NTM: variants seen among roughly 807,000 people sequenced by gnomAD.
NTM encodes IgLON family member 2.
In NTM, 13 loss-of-function variants were observed where a neutral mutation model predicts 42.1. The observed-to-expected ratio is 0.31, with a 90% confidence interval of 0.20 to 0.49. The LOEUF (loss-of-function observed/expected upper bound fraction) is 0.49, where lower values mean the gene tolerates loss of function less well. Among genes scored for constraint, NTM ranks in the 20% least tolerant of loss-of-function variants. The pLI is 0.99. For synonymous variants in NTM, 187 were observed against 179.2 expected (o/e 1.04, Z -0.35); for missense variants, 373 against 452.8 (o/e 0.82, Z 1.60).
chr11:132,145,120 T>C (rs2070094005), intron 2 of NTM, among the ~76,000 whole-genome samples: 1 of 152,184 alleles, frequency 6.6e-6, no homozygotes, highest in African/African-American at 2.4e-5. Context: ...GAGTCTCACA[T>C]AGTACCAGGA....
intron 1 of NTM, among the ~76,000 whole-genome samples, chr11:131,614,782 A>C (rs1299829320): frequency 6.6e-6 from 1 of 152,244 alleles, no homozygotes; most frequent in African/African-American, 2.4e-5. Flanking sequence ...CATATTGTCC[A>C]TCAAGACTAT....
intron 1 of NTM, among the ~76,000 whole-genome samples, chr11:131,494,608 C>T (rs186026530): frequency 5.9e-5 from 9 of 152,328 alleles, no homozygotes; most frequent in Non-Finnish European, 1.2e-4. Flanking sequence ...CACTCCATTG[C>T]ATGTGCAAAG....
chr11:131,405,471 T>C (rs1164698044), intron 1 of NTM, among the ~76,000 whole-genome samples: 1 of 152,174 alleles, frequency 6.6e-6, no homozygotes, highest in Non-Finnish European at 1.5e-5. Flanking sequence ...TCCCTTTCCT[T>C]CACCCTTAAC....
At chr11:132,274,909 G>T (rs1229964083) in intron 4 of NTM, among the ~76,000 whole-genome samples, 2 of 152,002 alleles carry the variant, frequency 1.3e-5, no homozygotes, top group African/African-American at 4.8e-5. Flanking sequence ...GGGCCACTTG[G>T]ATAGTTCTTT....
intron 4 of NTM, among the ~76,000 whole-genome samples, chr11:132,299,395 T>C (rs895917): frequency 0.25 from 37,492 of 152,080 alleles, 4,825 homozygotes; most frequent in Middle Eastern, 0.31. Context: ...GAAGGGAACA[T>C]GGTGCAAAAG....
intron 7 of NTM, among the ~76,000 whole-genome samples, chr11:132,315,617 A>G (rs556694955): frequency 1.3e-5 from 2 of 152,296 alleles, no homozygotes; most frequent in African/African-American, 2.4e-5. Flanking sequence ...TTGCAAGAAC[A>G]CAAATTCCTT....
chr11:131,397,541 C>T lies in NTM; in HGVS notation c.82+26653C>T, dbSNP rs984711609. 7.2e-5 allele frequency among the ~76,000 whole-genome samples: 11 copies of T among 152,172 alleles called. No individual in the cohort carries two copies. In the South Asian group the frequency reaches 1.0e-3, roughly 14 times the overall value. On this transcript the variant is annotated intron_variant, in intron 1 of 8. Transcript: ENST00000683400. Reference sequence around the variant, plus strand: ...TATTTCATCTTGCTTTGCCCACTCCCATAGCTTTCTTTGGGCGGGCATGAG... The same window carrying T: ...TATTTCATCTTGCTTTGCCCACTCCTATAGCTTTCTTTGGGCGGGCATGAG...
intron 1 of NTM, among the ~76,000 whole-genome samples, chr11:131,395,458 T>A (rs945408553): frequency 2.0e-5 from 3 of 152,164 alleles, no homozygotes; most frequent in Non-Finnish European, 2.9e-5. Context: ...ATGTGCAAAC[T>A]TTTTTCTCTC....
At chr11:132,189,678 G>A (rs183319451) in intron 3 of NTM, among the ~76,000 whole-genome samples, 18 of 149,626 alleles carry the variant, frequency 1.2e-4, no homozygotes, top group African/African-American at 3.8e-4. Flanking sequence ...AGACACACAC[G>A]ATACTTGAGT....
intron 1 of NTM, among the ~76,000 whole-genome samples, chr11:131,640,655 C>G (rs1395339318): frequency 6.6e-6 from 1 of 152,168 alleles, no homozygotes; most frequent in Non-Finnish European, 1.5e-5. Flanking sequence ...AGTGCTGTGC[C>G]TGCTAAGCCA....
intron 1 of NTM, among the ~76,000 whole-genome samples, chr11:131,905,740 C>A (rs1282853910): frequency 2.0e-5 from 3 of 152,122 alleles, no homozygotes; most frequent in African/African-American, 7.2e-5. Context: ...GGGAGGCCCA[C>A]GTTACTTTTG....
chr11:132,022,794 G>A (rs1336263696), intron 2 of NTM, among the ~76,000 whole-genome samples: 1 of 152,184 alleles, frequency 6.6e-6, no homozygotes, highest in African/African-American at 2.4e-5. Flanking sequence ...AATGTGCACT[G>A]TGGTCCTTTA....
rs2081301965 is a variant in NTM at position 131,742,361 on chromosome 11, C to T, written c.83-169203C>T. ...TACAAGTCACATGTTTATTTCATTG[C>T]TCGTGTTGGAATTTATTCATTTTAT... is the stretch of plus-strand genomic sequence containing the variant. On this transcript the variant is annotated intron_variant, in intron 1 of 8. Coordinates refer to ENST00000683400, the MANE Select transcript of NTM (RefSeq NM_001352005.2). 2.0e-5 allele frequency among the ~76,000 whole-genome samples: 3 copies of T among 152,068 alleles called. No homozygotes were observed. The South Asian group carries it at 6.2e-4, about 31-fold the overall frequency.
chr11:131,550,133 T>C (rs1368775077), intron 1 of NTM, among the ~76,000 whole-genome samples: 1 of 152,180 alleles, frequency 6.6e-6, no homozygotes, highest in Non-Finnish European at 1.5e-5. Flanking sequence ...AGAAGAACAA[T>C]AGATAACGAC....
chr11:132,157,949 C>T (rs55907359), intron 3 of NTM, among the ~76,000 whole-genome samples: 30,646 of 152,202 alleles, frequency 0.2, 3,286 homozygotes, highest in Middle Eastern at 0.29. Flanking sequence ...AGTCCTGCCT[C>T]TTCTGCCCTC....
At chr11:132,307,125 C>T (rs1022458337) in intron 4 of NTM, among the ~76,000 whole-genome samples, 2 of 152,068 alleles carry the variant, frequency 1.3e-5, no homozygotes, top group Non-Finnish European at 2.9e-5. Flanking sequence ...AAGTTTAGCA[C>T]GTTGATTTCT....
At chr11:131,610,842 C>T (rs768900592) in intron 1 of NTM, among the ~76,000 whole-genome samples, 1 of 152,060 alleles carries the variant, frequency 6.6e-6, no homozygotes, top group Non-Finnish European at 1.5e-5. Flanking sequence ...AAATGCTGGA[C>T]CAAGGAGTTT....
intron 3 of NTM, among the ~76,000 whole-genome samples, chr11:132,210,020 G>T (rs927468368): frequency 1.3e-5 from 2 of 152,166 alleles, no homozygotes; most frequent in Non-Finnish European, 2.9e-5. Context: ...GTGAGTAATG[G>T]TTCAAGTAGA....
intron 1 of NTM, among the ~76,000 whole-genome samples, chr11:131,638,882 AT>A (rs2064777969): frequency 6.6e-6 from 1 of 152,184 alleles, no homozygotes; most frequent in African/African-American, 2.4e-5. Context: ...AAAAGTTTAA[AT>A]TTAGAATAAT....
Sources: gnomAD v4.1 joint callset for allele counts (sites outside exome capture counted in the v4.1 genomes callset) on GRCh38, gnomAD v4.1.1 for gene constraint, MANE v1.5 for transcripts, NCBI Gene and HGNC (gene_info 2026-07-23, HGNC 2026-07-21) for gene names.